The following ATRIP variants were observed in gnomAD, a reference collection of about 807,000 sequenced individuals.
ATRIP encodes the protein ATR-interacting protein.
A neutral mutation model predicts 78.1 loss-of-function variants in ATRIP; 44 were observed. The observed-to-expected ratio is 0.56, with a 90% confidence interval of 0.44 to 0.72. The LOEUF is 0.72. Ranked by LOEUF, ATRIP falls within the 30% of genes least tolerant of loss-of-function variation. The probability of loss-of-function intolerance (pLI) is 0.00; values close to 1 mark genes in which losing one functional copy is unlikely to be tolerated. For synonymous variants in ATRIP, 388 were observed against 408.9 expected, an observed-to-expected ratio of 0.95 and a Z score of 0.62; for missense variants, 927 against 980.2, an observed-to-expected ratio of 0.95 and a Z score of 0.72.
In ATRIP at chr3:48,464,970, A is replaced by C; in HGVS notation, c.2195A>C (p.Gln732Pro). ...GTGCTGCTGCTGCACGGCCTATCGCAGAAGGACAAGCTCTTCATGATGCAC... is the reference window on the plus strand; with the variant it reads ...GTGCTGCTGCTGCACGGCCTATCGCCGAAGGACAAGCTCTTCATGATGCAC... Reference protein sequence around the residue: ...DTVLLLHGLSQKDKLFMMHCV... With the variant: ...DTVLLLHGLSPKDKLFMMHCV... Residue 732 changes from glutamine to proline, a missense_variant, in exon 12 of 13, where the codon CAG becomes CCG. Transcript: ENST00000320211. 6.2e-7 allele frequency: 1 copy of C among 1,614,164 alleles called. No individual in the cohort carries two copies. Among genetic ancestry groups the C allele is most frequent in the Middle Eastern group, 1.6e-4 (1 of 6,062 alleles).
chr3:48,456,679 A>G (rs79900490), intron 4 of ATRIP, among the ~76,000 whole-genome samples: 1 of 151,088 alleles, frequency 6.6e-6, no homozygotes, highest in Non-Finnish European at 1.5e-5. Flanking sequence ...GGGATTACAG[A>G]TGGGTGGATT....
intron 5 of ATRIP, among the ~76,000 whole-genome samples, chr3:48,458,004 C>T (rs1170373718): frequency 1.3e-5 from 2 of 151,758 alleles, no homozygotes; most frequent in African/African-American, 4.8e-5. Context: ...AGGTATATCT[C>T]CTAATGCTAT....
rs1262113230 is a variant in ATRIP, at chr3:48,463,815, G to A, written c.1816G>A (p.Ala606Thr). 1.2e-6 allele frequency: 2 copies of A among 1,614,124 alleles called. No homozygotes were observed. Among genetic ancestry groups the A allele is most frequent in the South Asian group, 2.2e-5 (2 of 91,074 alleles). The change falls in exon 9 of 13, where the codon GCT becomes ACT. Residue 606 changes from alanine (A) to threonine (T), a missense_variant. Ala to Thr is a moderately conservative substitution (Grantham distance 58). Transcript: ENST00000320211. The part of the protein sequence containing the change: ...PETPLPSVLL[A>T]VELLSLLADH... ...GACACCCCTGCCTAGCGTGCTGCTG[G>A]CTGTTGAGCTCCTCTCCCTGCTGGC... is the stretch of plus-strand genomic sequence containing the variant.
chr3:48,447,497 G>A (rs2039710044), intron 1 of ATRIP: 2 of 993,106 alleles, frequency 2.0e-6, no homozygotes, highest in Admixed American at 1.2e-4. Flanking sequence ...CTTGGGCAGT[G>A]TGAGCATGGG....
At chr3:48,457,479 T>A in intron 5 of ATRIP, 63 bp downstream of exon 5, 1 of 1,268,348 alleles carries the variant, frequency 7.9e-7, no homozygotes, top group Non-Finnish European at 1.0e-6. Flanking sequence ...TTAAAACAAT[T>A]ATTATTTATT....
chr3:48,464,707 GGCCCC>G, intron 11 of ATRIP, 45 bp downstream of exon 11: 1 of 1,613,596 alleles, frequency 6.2e-7, no homozygotes, highest in Non-Finnish European at 8.5e-7. Context: ...GTGGTAAGGG[GGCCCC>G]GTGCAAGGAC....
In ATRIP at chr3:48,451,879, GA is replaced by G; in HGVS notation, c.536del (p.Lys179ArgfsTer21). The G allele has an allele frequency of 1.2e-6, 2 of 1,605,412 alleles. No homozygotes were observed. The highest frequency in any genetic ancestry group is 1.7e-6 in the Non-Finnish European group (2 of 1,176,018). ...GAAAACCCAAGCACTCAGTGACAAG[GA>G]AAAGGAATTCTCCAAAAAGGTGACC... ...QEKTQALSDK[E>X]KEFSKKLQSL... On this transcript the variant is annotated frameshift_variant, in exon 3 of 13. Transcript: ENST00000320211. LOFTEE classifies it high-confidence loss of function.
At position 48,460,174 on chromosome 3, in the gene ATRIP, G is replaced by A. The variant is rs757661922; in HGVS notation, c.1120G>A (p.Ala374Thr). 8.1e-6 allele frequency: 13 copies of A among 1,613,950 alleles called. No individual in the cohort carries two copies. The highest frequency in any genetic ancestry group is 1.1e-5 in the Non-Finnish European group (13 of 1,180,048). ...GSYDGSFSLS[A>T]LREAQNLAFT... ...TTATGATGGGTCATTTTCCCTCTCA[G>A]CCCTGAGAGAAGCACAGAACCTGGC... The change falls in exon 8 of 13, where the codon GCC becomes ACC. Residue 374 changes from alanine (A) to threonine (T), a missense_variant. Transcript: ENST00000320211.
At position 48,460,689 on chromosome 3, in the gene ATRIP, G is replaced by C; in HGVS notation, c.1635G>C (p.Leu545=). The C allele has an allele frequency of 6.2e-7, 1 of 1,614,144 alleles. No homozygotes were observed. The highest frequency in any genetic ancestry group is 2.2e-5 in the East Asian group (1 of 44,886). Residue 545 remains leucine, a synonymous_variant, in exon 8 of 13, where the codon CTG becomes CTC. Coordinates refer to ENST00000320211, the MANE Select transcript of ATRIP (RefSeq NM_130384.3). ...CACTGTTGAAGATGCTTCTTCACCT[G>C]TTGGCTTTCTCTTCTGCAGCAACAG... is the stretch of plus-strand genomic sequence containing the variant. ...QHPLLKMLLH[L]LAFSSAATGH... is the part of the protein sequence containing the mutation.
At chr3:48,455,501 T>C (rs1378425611) in intron 4 of ATRIP, among the ~76,000 whole-genome samples, 1 of 152,018 alleles carries the variant, frequency 6.6e-6, no homozygotes, top group East Asian at 1.9e-4. Flanking sequence ...GGAAGTCTTT[T>C]TTTTTTGAGA....
At chr3:48,447,565 CTG>C in intron 1 of ATRIP, 1 of 984,116 alleles carries the variant, frequency 1.0e-6, no homozygotes, top group Non-Finnish European at 1.2e-6. Flanking sequence ...AACCAGTAAA[CTG>C]TGCTAGGTGC....
chr3:48,455,858 C>T (rs1220747965), intron 4 of ATRIP, among the ~76,000 whole-genome samples: 4 of 151,922 alleles, frequency 2.6e-5, no homozygotes, highest in African/African-American at 9.7e-5. Context: ...CAGTGGCTCA[C>T]ACCTGTAATC....
Position 48,459,940 on chromosome 3 carries a change from C to G in ATRIP, c.1055+24C>G, listed in dbSNP as rs756439110. 11 of 1,590,990 alleles carry G rather than the reference C, an allele frequency of 6.9e-6. No individual in the cohort carries two copies. In the South Asian group the frequency reaches 1.0e-4, roughly 15 times the overall value. ...AGGTAAGCATAAGACTCCTGGAAAG[C>G]TTGTTTGGGAAGGAGCTTCCTGGAA... On this transcript the variant is annotated intron_variant, in intron 7 of 12. Transcript: ENST00000320211.
intron 9 of ATRIP, 69 bp downstream of exon 9, chr3:48,463,950 G>T: frequency 1.9e-6 from 3 of 1,608,264 alleles, no homozygotes; most frequent in Non-Finnish European, 2.6e-6. Flanking sequence ...GTGGGAACAG[G>T]GTCAAGGGCC....
rs1274733309 is a variant in ATRIP at position 48,460,639 on chromosome 3, G to T, written c.1585G>T (p.Val529Phe). Residue 529 changes from valine (V) to phenylalanine (F), a missense_variant, in exon 8 of 13, where the codon GTT becomes TTT. Coordinates refer to ENST00000320211, the MANE Select transcript of ATRIP (RefSeq NM_130384.3). ...AGATATGACCTCAGCCCTAAGGGGGGTTGCTGATGACCAAGGACAGCACCC... is the reference window on the plus strand; with the variant it reads ...AGATATGACCTCAGCCCTAAGGGGGTTTGCTGATGACCAAGGACAGCACCC... Reference protein sequence around the residue: ...DGDMTSALRGVADDQGQHPLL... With the variant: ...DGDMTSALRGFADDQGQHPLL... 8 of 1,614,056 alleles carry T rather than the reference G, an allele frequency of 5.0e-6. No homozygotes were observed. Among genetic ancestry groups the T allele is most frequent in the Non-Finnish European group, 6.8e-6 (8 of 1,180,006 alleles).
chr3:48,462,486 G>A (rs2040145019), intron 8 of ATRIP, among the ~76,000 whole-genome samples: 1 of 152,110 alleles, frequency 6.6e-6, no homozygotes, highest in South Asian at 2.1e-4. Context: ...GGTGGATCAC[G>A]AGGTCAGGAG....
intron 12 of ATRIP, among the ~76,000 whole-genome samples, 155 bp from the exon 13 acceptor site, chr3:48,465,332 C>T (rs1575289408): frequency 6.6e-6 from 1 of 152,240 alleles, no homozygotes; most frequent in Non-Finnish European, 1.5e-5. Context: ...TCTGAATTGC[C>T]TTTGTATCAC....
In ATRIP at chr3:48,457,307, A is replaced by G. The variant is rs747622455; in HGVS notation, c.720A>G (p.Pro240=). The change falls in exon 5 of 13, where the codon CCA becomes CCG. Residue 240 remains proline, a synonymous_variant. Coordinates refer to ENST00000320211, the MANE Select transcript of ATRIP (RefSeq NM_130384.3). ...SVVIKPEACS[P]QFGKTSFPTK... is the part of the protein sequence containing the mutation. ...TTATAAAGCCAGAAGCATGTTCTCC[A>G]CAATTTGGAAAAACATCTTTTCCTA... 2 of 1,606,522 alleles carry G rather than the reference A, an allele frequency of 1.2e-6. No individual in the cohort carries two copies. The highest frequency in any genetic ancestry group is 2.7e-5 in the African/African-American group (2 of 74,494).
At chr3:48,447,274 A>G (rs1220169394) in intron 1 of ATRIP, 182 bp downstream of exon 1, 21 of 1,259,928 alleles carry the variant, frequency 1.7e-5, no homozygotes, top group Non-Finnish European at 2.1e-5. Flanking sequence ...GGGGAAATGC[A>G]TTAGCCAGGT....
Sources: allele counts gnomAD v4.1 joint callset (sites outside exome capture counted in the v4.1 genomes callset), GRCh38; gene constraint gnomAD v4.1.1; transcripts MANE v1.5; gene names NCBI Gene and HGNC (gene_info 2026-07-23, HGNC 2026-07-21).